Variants in ANK3 observed in about 807,000 individuals in gnomAD.
ANK3 encodes the protein ankyrin 3.
Under a neutral mutation model 370.9 loss-of-function variants are expected in ANK3, and 57 were observed. The observed-to-expected ratio is 0.15, with a 90% CI of 0.12 to 0.19. The LOEUF (loss-of-function observed/expected upper bound fraction) is 0.19. Ranked by LOEUF, ANK3 falls within the 10% of genes least tolerant of loss-of-function variation. The pLI, the probability that ANK3 is intolerant of heterozygous loss-of-function variation, is 1.00. For missense variants in ANK3, 4,439 were observed against 5,302.1 expected (o/e 0.84, Z 5.06); for synonymous variants, 1,929 against 1,946.3 (o/e 0.99, Z 0.23).
chr10:60,457,102 C>T (rs1312396908), intron 2 of ANK3, among the ~76,000 whole-genome samples: 1 of 152,102 alleles, frequency 6.6e-6, no homozygotes, highest in Non-Finnish European at 1.5e-5. Context: ...AGCCTTAAGT[C>T]TCTCTACCTT....
At chr10:60,456,432 A>C (rs886955873) in intron 2 of ANK3, among the ~76,000 whole-genome samples, 3 of 152,188 alleles carry the variant, frequency 2.0e-5, no homozygotes, top group African/African-American at 7.2e-5. Context: ...TTATATTACA[A>C]CACCAATCAA....
intron 2 of ANK3, among the ~76,000 whole-genome samples, chr10:60,460,905 G>A (rs2064867929): frequency 6.6e-6 from 1 of 152,084 alleles, no homozygotes; most frequent in African/African-American, 2.4e-5. Context: ...CAATACCATA[G>A]AGGATTTTGA....
intron 25 of ANK3, among the ~76,000 whole-genome samples, chr10:60,123,564 C>G (rs145644278): frequency 2.2e-4 from 33 of 152,294 alleles, no homozygotes; most frequent in African/African-American, 7.2e-4. Flanking sequence ...CTCTACGTTG[C>G]TGACTGTCAA....
chr10:60,673,475 C>T lies in ANK3; in HGVS notation c.58-58251G>A, dbSNP rs900446813. 1.5e-4 allele frequency among the ~76,000 whole-genome samples: 23 copies of T among 152,206 alleles called. 1 individual carries two copies. Among genetic ancestry groups the T allele is most frequent in the Admixed American group, 1.0e-3 (16 of 15,292 alleles). Reference sequence around the variant, plus strand: ...AAACTATTCTCCTGCCTCAGCCTCCCGAGTAGCTGGGATTACAGGTGCCTG... The same window carrying T: ...AAACTATTCTCCTGCCTCAGCCTCCTGAGTAGCTGGGATTACAGGTGCCTG... On this transcript the variant is annotated intron_variant, in intron 1 of 43. Transcript: ENST00000373827.
chr10:60,037,562 G>GTTAGT (rs2075300167), intron 43 of ANK3, among the ~76,000 whole-genome samples: 1 of 152,062 alleles, frequency 6.6e-6, no homozygotes, highest in African/African-American at 2.4e-5. Flanking sequence ...CTGTTCCTAT[G>GTTAGT]TTAGTTTGCT....
chr10:60,240,185 C>CAT (rs1165305781), intron 7 of ANK3, among the ~76,000 whole-genome samples: 58 of 134,664 alleles, frequency 4.3e-4, no homozygotes, highest in African/African-American at 1.6e-3. Flanking sequence ...CATATATACA[C>CAT]ATATATATAC....
intron 2 of ANK3, among the ~76,000 whole-genome samples, chr10:60,492,623 C>T (rs112612698): frequency 0.13 from 18,528 of 139,494 alleles, 1,376 homozygotes; most frequent in African/African-American, 0.21. Flanking sequence ...AGGAGAATGG[C>T]GTGAACCCAG....
At chr10:60,312,210 T>A (rs183189875) in intron 1 of ANK3, among the ~76,000 whole-genome samples, 57 of 152,286 alleles carry the variant, frequency 3.7e-4, no homozygotes, top group Non-Finnish European at 7.5e-4. Context: ...GGGAGCAGCT[T>A]CAGGGAAGGA....
At chr10:60,083,649 G>A in intron 32 of ANK3, 32 bp from the exon 33 acceptor site, 1 of 1,510,764 alleles carries the variant, frequency 6.6e-7, no homozygotes, top group East Asian at 2.3e-5. Context: ...ACAATTTAAT[G>A]TTAATCTGAG....
chr10:60,253,746 T>A (rs977484007), intron 7 of ANK3, among the ~76,000 whole-genome samples: 40 of 152,172 alleles, frequency 2.6e-4, no homozygotes, highest in African/African-American at 8.9e-4. Context: ...CCCATTTTCA[T>A]GGGGAGGTTT....
intron 1 of ANK3, among the ~76,000 whole-genome samples, chr10:60,284,023 T>C (rs1188366069): frequency 1.3e-5 from 2 of 152,116 alleles, no homozygotes; most frequent in Non-Finnish European, 2.9e-5. Flanking sequence ...TATTTGGAAA[T>C]ACAATCTTTG....
At chr10:60,105,769 G>T (rs946956897) in intron 28 of ANK3, 136 bp downstream of exon 28, 15 of 822,708 alleles carry the variant, frequency 1.8e-5, no homozygotes, top group Middle Eastern at 2.4e-4. Context: ...ATAGAAAACA[G>T]CAACAAAAGC....
In ANK3 at chr10:60,138,973, C is replaced by A. The variant is rs779132464; in HGVS notation, c.2729G>T (p.Arg910Leu). The change falls in exon 24 of 44, where the codon CGT becomes CTT. Residue 910 changes from arginine (R) to leucine (L), a missense_variant. Physicochemically the swap from Arg to Leu is moderately radical, Grantham distance 102. Around this residue, in one of 13 missense-constraint regions of ANK3, gnomAD observed 702 missense variants for 941.5 expected, o/e 0.75. Transcript: ENST00000280772. ...EGYMGFSLGA[R>L]SASLRSFSSD... is the part of the protein sequence containing the mutation. The stretch of plus-strand genomic sequence containing the variant: ...AGCAACAACGAAGTACCTGGCAGAA[C>A]GCGCTCCGAGACTAAAGCCCATGTA... 1 of 1,613,846 alleles carries A rather than the reference C, an allele frequency of 6.2e-7. No homozygotes were observed.
intron 1 of ANK3, among the ~76,000 whole-genome samples, chr10:60,624,512 T>C (rs895130348): frequency 4.6e-5 from 7 of 152,156 alleles, no homozygotes; most frequent in East Asian, 1.9e-4. Context: ...TGAATCTGTA[T>C]TCTTTTGCTC....
intron 1 of ANK3, among the ~76,000 whole-genome samples, chr10:60,704,359 C>T (rs573979252): frequency 2.0e-5 from 3 of 152,130 alleles, no homozygotes; most frequent in African/African-American, 7.2e-5. Context: ...AAACAACAGA[C>T]CTATAATACA....
At chr10:60,262,950 T>C (rs2097828805) in intron 6 of ANK3, among the ~76,000 whole-genome samples, 1 of 152,168 alleles carries the variant, frequency 6.6e-6, no homozygotes, top group African/African-American at 2.4e-5. Context: ...ATCAAACTAC[T>C]GCTATCTTAT....
At chr10:60,354,162 A>G (rs1343041121) in intron 1 of ANK3, among the ~76,000 whole-genome samples, 1 of 152,246 alleles carries the variant, frequency 6.6e-6, no homozygotes, top group Non-Finnish European at 1.5e-5. Context: ...GTGAAAATCA[A>G]GCCTTAGAGT....
In ANK3 at chr10:60,031,603, C is replaced by G. The variant is rs187105211; in HGVS notation, c.*20-1777G>C. Among the ~76,000 whole-genome samples, 28 of 152,308 alleles carry G rather than the reference C, an allele frequency of 1.8e-4. No individual in the cohort carries two copies. In the East Asian group the frequency reaches 5.4e-3, roughly 29 times the overall value. ...AATTTTAAGAATAACCCTGCTCACT[C>G]CCATATAAACAACAGACTATATTTG... On this transcript the variant is annotated intron_variant, in intron 43 of 43. Coordinates refer to ENST00000280772, the MANE Select transcript of ANK3 (RefSeq NM_020987.5).
At chr10:60,504,766 G>T (rs1045642479) in intron 2 of ANK3, among the ~76,000 whole-genome samples, 1 of 152,074 alleles carries the variant, frequency 6.6e-6, no homozygotes, top group South Asian at 2.1e-4. Context: ...AGGACCCCTG[G>T]TCAAATTTCA....
Sources: gnomAD v4.1 joint callset for allele counts (sites outside exome capture counted in the v4.1 genomes callset) on GRCh38, gnomAD v4.1.1 for gene constraint, gnomAD v4.1.1 regional missense constraint, MANE v1.5 for transcripts, NCBI Gene and HGNC (gene_info 2026-07-23, HGNC 2026-07-21) for gene names.